ANKRD62: variants seen among roughly 807,000 people sequenced by gnomAD.
The protein encoded by ANKRD62 is ankyrin repeat domain-containing protein 62.
ANKRD62 carries 61 observed loss-of-function variants against 98.8 expected under a neutral mutation model. The observed-to-expected ratio is 0.62, with a 90% CI of 0.50 to 0.76. ANKRD62 has a LOEUF of 0.76. Ranked by LOEUF, ANKRD62 falls within the 30% of genes least tolerant of loss-of-function variation. ANKRD62 has a pLI of 0.00. For synonymous variants in ANKRD62, 341 were observed against 367.9 expected, an observed-to-expected ratio of 0.93 and a Z score of 0.84; for missense variants, 933 against 1,082.9, an observed-to-expected ratio of 0.86 and a Z score of 1.94.
At chr18:12,138,754 G>A in the ANKRD62 span, among the ~76,000 whole-genome samples, 1 of 152,182 alleles carries the variant, frequency 6.6e-6, no homozygotes, top group Non-Finnish European at 1.5e-5. Context: ...TACATATTTA[G>A]GATAGTTAGT....
chr18:12,181,610 G>T, the ANKRD62 span, among the ~76,000 whole-genome samples: 4 of 152,276 alleles, frequency 2.6e-5, no homozygotes, highest in Non-Finnish European at 4.4e-5. Flanking sequence ...CCATCACCAT[G>T]ATCTAACTTA....
At chr18:12,095,640 A>G (rs1387184441) in intron 3 of ANKRD62, 30 bp downstream of exon 3, 13 of 1,442,072 alleles carry the variant, frequency 9.0e-6, no homozygotes, top group Non-Finnish European at 1.2e-5. Flanking sequence ...TTTTCAAAGT[A>G]TTTCAAGTAT....
chr18:12,097,630 C>T lies in ANKRD62; in HGVS notation c.615-10C>T, dbSNP rs1226482259. 1 of 1,519,866 alleles carries T rather than the reference C, an allele frequency of 6.6e-7. No homozygotes were observed. Among genetic ancestry groups the T allele is most frequent in the Non-Finnish European group, 8.8e-7 (1 of 1,140,024 alleles). The allele number at this position is 1,519,866 out of a possible 1,614,324, so 94.1% of individuals were successfully genotyped here. ...AGTTCCTAAGCATGAAATTATCTTT[C>T]TTATTTTAGAACAGCCCTGATACTT... is the stretch of plus-strand genomic sequence containing the variant. On this transcript the variant is annotated splice_polypyrimidine_tract_variant and intron_variant, in intron 4 of 13. Transcript: ENST00000587848.
rs112532748 is a variant in ANKRD62 at position 12,121,609 on chromosome 18, G to A, written c.1241-694G>A. Among the ~76,000 whole-genome samples the A allele has an allele frequency of 3.1e-3, 473 of 152,104 alleles. 3 individuals carry two copies. The highest frequency in any genetic ancestry group is 9.9e-3 in the African/African-American group (412 of 41,478). On this transcript the variant is annotated intron_variant, in intron 10 of 13. Coordinates refer to ENST00000587848, the MANE Select transcript of ANKRD62 (RefSeq NM_001277333.2). ...GATTTCTCTCTGCTTTTGTTTTACC[G>A]GATTCTTAGCGTCACCACCCCAGCT... is the stretch of plus-strand genomic sequence containing the variant.
At chr18:12,158,278 A>G in the ANKRD62 span, among the ~76,000 whole-genome samples, 6 of 152,190 alleles carry the variant, frequency 3.9e-5, no homozygotes, top group African/African-American at 7.2e-5. Flanking sequence ...TAGCCTGGTC[A>G]TTGTGGCTTT....
chr18:12,097,662 C>T lies in ANKRD62; in HGVS notation c.637C>T (p.Arg213Cys), dbSNP rs1322366070. 8 of 1,535,536 alleles carry T rather than the reference C, an allele frequency of 5.2e-6. No individual in the cohort carries two copies. The highest frequency in any genetic ancestry group is 2.4e-5 in the East Asian group (1 of 40,900). ...TAGAACAGCCCTGATACTTGCTGCT[C>T]GTAATGGATCAACAAGTGTAGTCTA... The part of the protein sequence containing the change: ...FGRTALILAA[R>C]NGSTSVVYQL... Residue 213 changes from arginine (R) to cysteine (C), a missense_variant, in exon 5 of 14, where the codon CGT becomes TGT. Physicochemically the swap from Arg to Cys is radical, Grantham distance 180. Coordinates refer to ENST00000587848, the MANE Select transcript of ANKRD62 (RefSeq NM_001277333.2).
intron 6 of ANKRD62, chr18:12,102,220 A>G (rs1487426051): frequency 7.5e-6 from 6 of 802,332 alleles, no homozygotes; most frequent in Non-Finnish European, 9.1e-6. Flanking sequence ...CAAGGATTCA[A>G]ATAAGCAGCT....
chr18:12,135,665 TA>T, the ANKRD62 span, among the ~76,000 whole-genome samples: 3 of 151,792 alleles, frequency 2.0e-5, no homozygotes, highest in Non-Finnish European at 2.9e-5. Context: ...ACCAACAGTG[TA>T]AAAGTGTTCC....
the ANKRD62 span, among the ~76,000 whole-genome samples, chr18:12,181,092 T>TA: frequency 3.3e-5 from 5 of 149,906 alleles, no homozygotes; most frequent in South Asian, 2.1e-4. Flanking sequence ...AATTAAGTTC[T>TA]AAAAAAAAAT....
intron 11 of ANKRD62, 122 bp from the exon 12 acceptor site, chr18:12,124,015 A>T: frequency 1.9e-6 from 1 of 521,010 alleles, no homozygotes; most frequent in African/African-American, 2.0e-5. Context: ...TCGAAGTGAG[A>T]AATTAACATG....
At chr18:12,100,023 A>G (rs967988784) in intron 6 of ANKRD62, among the ~76,000 whole-genome samples, 3 of 152,134 alleles carry the variant, frequency 2.0e-5, no homozygotes, top group Non-Finnish European at 1.5e-5. Flanking sequence ...ATAACATTGG[A>G]TATTTTAATT....
chr18:12,094,149 A>G lies in ANKRD62; in HGVS notation c.132A>G (p.Lys44=). 5.2e-6 allele frequency: 8 copies of G among 1,533,480 alleles called. No individual in the cohort carries two copies. The highest frequency in any genetic ancestry group is 7.0e-6 in the Non-Finnish European group (8 of 1,146,486). 95.0% of individuals were successfully genotyped at this position (1,533,480 alleles called of 1,614,324 possible). The change falls in exon 1 of 14, where the codon AAA becomes AAG. Residue 44 remains lysine, a synonymous_variant. Coordinates refer to ENST00000587848, the MANE Select transcript of ANKRD62 (RefSeq NM_001277333.2). ...AGAAGGATCTGGGCATGATCCACAA[A>G]GCTGCCATCGCAGGTGATGTGAACA... ...VRQKDLGMIH[K]AAIAGDVNKV...
chr18:12,181,507 T>C, the ANKRD62 span, among the ~76,000 whole-genome samples: 1 of 152,214 alleles, frequency 6.6e-6, no homozygotes, highest in African/African-American at 2.4e-5. Context: ...ATTAATTTAT[T>C]TATAACACCA....
the ANKRD62 span, among the ~76,000 whole-genome samples, chr18:12,169,992 T>G: frequency 6.6e-6 from 1 of 152,248 alleles, no homozygotes; most frequent in East Asian, 1.9e-4. Context: ...TTATCATTTT[T>G]TATTGCATCT....
chr18:12,145,722 G>A, the ANKRD62 span, among the ~76,000 whole-genome samples: 4 of 152,170 alleles, frequency 2.6e-5, no homozygotes, highest in African/African-American at 7.2e-5. Context: ...TTTGCCACTT[G>A]GGTGGCTTAG....
chr18:12,173,550 T>C, the ANKRD62 span, among the ~76,000 whole-genome samples: 24 of 152,234 alleles, frequency 1.6e-4, no homozygotes, highest in Admixed American at 1.6e-3. Flanking sequence ...GTTAGCTGGT[T>C]ATTTTGCAGA....
Position 12,095,556 on chromosome 18 carries a change from A to G in ANKRD62, c.453A>G (p.Ile151Met). The G allele has an allele frequency of 3.9e-6, 6 of 1,545,316 alleles. No individual in the cohort carries two copies. The highest frequency in any genetic ancestry group is 5.2e-6 in the Non-Finnish European group (6 of 1,151,228). The change falls in exon 3 of 14, where the codon ATA becomes ATG. Residue 151 changes from isoleucine to methionine, a missense_variant. By Grantham distance (10) the Ile-to-Met change is conservative. Coordinates refer to ENST00000587848, the MANE Select transcript of ANKRD62 (RefSeq NM_001277333.2). ...ALHYAIDNEN[I>M]SMARKLLAYG... The stretch of plus-strand genomic sequence containing the variant: ...ACTATGCCATTGATAATGAGAATAT[A>G]TCAATGGCAAGAAAACTGCTTGCAT...
chr18:12,122,850 C>G (rs1406637421), intron 11 of ANKRD62, among the ~76,000 whole-genome samples: 2 of 151,996 alleles, frequency 1.3e-5, no homozygotes, highest in East Asian at 3.9e-4. Context: ...TTCTACATTT[C>G]TATTTCTTTA....
chr18:12,114,968 A>C (rs1364473497), intron 8 of ANKRD62, 120 bp from the exon 9 acceptor site: 13 of 815,226 alleles, frequency 1.6e-5, no homozygotes, highest in Non-Finnish European at 2.2e-5. Context: ...ACCTGTAAAC[A>C]TTATAAATAA....
Sources: allele counts gnomAD v4.1 joint callset (sites outside exome capture counted in the v4.1 genomes callset), GRCh38; gene constraint gnomAD v4.1.1; transcripts MANE v1.5; gene names NCBI Gene and HGNC (gene_info 2026-07-23, HGNC 2026-07-21).